HYDIN: variants seen among roughly 807,000 people sequenced by gnomAD.
HYDIN encodes the protein axonemal central pair apparatus protein HYDIN.
Under a neutral mutation model 403.9 loss-of-function variants are expected in HYDIN, and 132 were observed. That is an observed-to-expected ratio of 0.33 (90% CI 0.28 to 0.38). HYDIN has a LOEUF of 0.38. Among genes scored for constraint, HYDIN ranks in the 10% least tolerant of loss-of-function variants. The pLI is 1.00. For missense variants in HYDIN, 2,827 were observed against 5,009.5 expected (o/e 0.56, Z 13.15); for synonymous variants, 1,202 against 1,891.7 (o/e 0.64, Z 9.46).
At chr16:70,996,589 G>A (rs1266935891) in intron 23 of HYDIN, among the ~76,000 whole-genome samples, 1 of 152,096 alleles carries the variant, frequency 6.6e-6, no homozygotes, top group Non-Finnish European at 1.5e-5. Flanking sequence ...CATGGTGCCA[G>A]GGTCATAGCA....
chr16:71,157,499 T>C (rs1487691896), intron 6 of HYDIN, among the ~76,000 whole-genome samples: 6 of 149,958 alleles, frequency 4.0e-5, no homozygotes, highest in African/African-American at 1.5e-4. Context: ...AGATTCTAAC[T>C]CAATATGATG....
rs1278125997 is a variant in HYDIN at position 70,805,097 on chromosome 16, T to A, written c.*2483A>T. Among the ~76,000 whole-genome samples the A allele has an allele frequency of 6.6e-6, 1 of 152,236 alleles. No homozygotes were observed. Among genetic ancestry groups the A allele is most frequent in the African/African-American group, 2.4e-5 (1 of 41,468 alleles). ...ACCAATTGCTTCCCTTCTCCTAACC[T>A]ATACCTCTGGTGAATAGGTGGAAGG... is the stretch of plus-strand genomic sequence containing the variant. On this transcript the variant is annotated 3_prime_UTR_variant, in exon 86 of 86. Coordinates refer to ENST00000393567, the MANE Select transcript of HYDIN (RefSeq NM_001270974.2).
chr16:71,094,668 A>G (rs1233331995), intron 10 of HYDIN, among the ~76,000 whole-genome samples: 1 of 152,298 alleles, frequency 6.6e-6, no homozygotes, highest in Non-Finnish European at 1.5e-5. Context: ...GTACACACAC[A>G]ATGCTTACGC....
chr16:70,863,981 C>G (rs1165932781), intron 67 of HYDIN, among the ~76,000 whole-genome samples: 1 of 151,424 alleles, frequency 6.6e-6, no homozygotes, highest in Non-Finnish European at 1.5e-5. Flanking sequence ...TTAGTTACTT[C>G]AAACTCAAAT....
At chr16:71,014,360 G>T (rs1301431217) in intron 23 of HYDIN, among the ~76,000 whole-genome samples, 1 of 112,224 alleles carries the variant, frequency 8.9e-6, no homozygotes, top group African/African-American at 4.8e-5. Context: ...CATACCCTCC[G>T]CCAACATCAT....
rs544199367 is a variant in HYDIN at position 71,074,164 on chromosome 16, T to C, written c.1739-4662A>G. The stretch of plus-strand genomic sequence containing the variant: ...TTAGCTTAATGTATTCCCCACTATA[T>C]TAGCCTCTGCAAACCTTTTTAAACC... On this transcript the variant is annotated intron_variant, in intron 13 of 85. Transcript: ENST00000393567. Among the ~76,000 whole-genome samples, 203 of 152,146 alleles carry C rather than the reference T, an allele frequency of 1.3e-3. 1 individual carries two copies. The highest frequency in any genetic ancestry group is 4.7e-3 in the African/African-American group (197 of 41,484).
rs373669755 is a variant in HYDIN at position 71,215,889 on chromosome 16, T to TA, written c.-24+14672dup. 2.7e-3 allele frequency among the ~76,000 whole-genome samples: 407 copies of TA among 151,370 alleles called. 3 individuals are homozygous for TA. The highest frequency in any genetic ancestry group is 9.4e-3 in the African/African-American group (387 of 41,212). On this transcript the variant is annotated intron_variant, in intron 1 of 85. Transcript: ENST00000393567. The stretch of plus-strand genomic sequence containing the variant: ...AATATATGAAACATGCCCAAACTAA[T>TA]AAAAAAACAGGGAAATGTAATTAAA...
At chr16:71,211,245 C>G (rs1805163447) in intron 1 of HYDIN, among the ~76,000 whole-genome samples, 2 of 151,998 alleles carry the variant, frequency 1.3e-5, no homozygotes, top group Non-Finnish European at 2.9e-5. Flanking sequence ...AATTTGCAGC[C>G]CAGGTCCACA....
intron 1 of HYDIN, among the ~76,000 whole-genome samples, chr16:71,210,560 T>C (rs1251061321): frequency 2.6e-5 from 4 of 151,980 alleles, no homozygotes; most frequent in South Asian, 4.2e-4. Flanking sequence ...TCAGGTACTA[T>C]GCTTAGAACC....
chr16:70,941,727 G>A lies in HYDIN; in HGVS notation c.6762C>T (p.Ala2254=). The change falls in exon 43 of 86, where the codon GCC becomes GCT. Residue 2254 remains alanine (A), a synonymous_variant. Coordinates refer to ENST00000393567, the MANE Select transcript of HYDIN (RefSeq NM_001270974.2). ...AAAALLCLLK[A]IGSREHIYIL... is the part of the protein sequence containing the mutation. ...TGTATATATGCTCCCGGCTGCCAAT[G>A]GCCTTCAGCAGGCAGAGGAGGGCGG... 6.3e-7 allele frequency: 1 copy of A among 1,594,210 alleles called. No individual in the cohort carries two copies. The highest frequency in any genetic ancestry group is 8.5e-7 in the Non-Finnish European group (1 of 1,171,350).
At chr16:71,228,339 C>T (rs2041130826) in intron 1 of HYDIN, among the ~76,000 whole-genome samples, 1 of 152,140 alleles carries the variant, frequency 6.6e-6, no homozygotes, top group Non-Finnish European at 1.5e-5. Flanking sequence ...AGAGCTTCTG[C>T]ACAGCAAAAG....
At chr16:70,933,919 G>C (rs1226297414) in intron 45 of HYDIN, among the ~76,000 whole-genome samples, 1 of 152,080 alleles carries the variant, frequency 6.6e-6, no homozygotes, top group Non-Finnish European at 1.5e-5. Flanking sequence ...TCACGCATGG[G>C]ATGGGGGTCA....
At chr16:70,868,418 A>G in intron 66 of HYDIN, 152 bp downstream of exon 66, 1 of 1,208,790 alleles carries the variant, frequency 8.3e-7, no homozygotes, top group Non-Finnish European at 1.1e-6. Context: ...CAGCATGTGT[A>G]GAAGTTTAGT....
chr16:71,126,136 T>A (rs1430209463), intron 9 of HYDIN, among the ~76,000 whole-genome samples: 5 of 152,158 alleles, frequency 3.3e-5, no homozygotes, highest in Admixed American at 3.3e-4. Flanking sequence ...GACCACCCCC[T>A]AGATCCAGTG....
rs1299723060 is a variant in HYDIN, at chr16:71,082,585, G to A, written c.1671-2633C>T. Among the ~76,000 whole-genome samples, 4 of 151,586 alleles carry A rather than the reference G, an allele frequency of 2.6e-5. No homozygotes were observed. In the South Asian group the frequency reaches 6.3e-4, roughly 24 times the overall value. ...GAAATGTCCAGAAGATAGAACAAGA[G>A]GCTTACCCTGCACAGAGCAGGTGGA... On this transcript the variant is annotated intron_variant, in intron 12 of 85. Transcript: ENST00000393567.
chr16:70,984,108 A>G (rs1223595711), intron 28 of HYDIN, among the ~76,000 whole-genome samples: 1 of 152,252 alleles, frequency 6.6e-6, no homozygotes, highest in Non-Finnish European at 1.5e-5. Flanking sequence ...CACGCCTGTA[A>G]TCCCAGCACT....
At chr16:71,056,733 C>T (rs2081911121) in intron 18 of HYDIN, among the ~76,000 whole-genome samples, 1 of 152,266 alleles carries the variant, frequency 6.6e-6, no homozygotes, top group African/African-American at 2.4e-5. Context: ...ACTTCCAGCA[C>T]CTGAATTTGT....
At position 70,896,036 on chromosome 16, in the gene HYDIN, A is replaced by G; in HGVS notation, c.9093T>C (p.Asn3031=). ...ENLLGVVQIE[N]IMVFAEAYDI... is the part of the protein sequence containing the mutation. ...CGTATGCCTCTGCAAAGACCATGATATTTTCAATCTGAACAACACCAAGAA... is the reference window on the plus strand; with the variant it reads ...CGTATGCCTCTGCAAAGACCATGATGTTTTCAATCTGAACAACACCAAGAA... Residue 3031 remains asparagine (N), a synonymous_variant, in exon 54 of 86, where the codon AAT becomes AAC. Coordinates refer to ENST00000393567, the MANE Select transcript of HYDIN (RefSeq NM_001270974.2). 3 of 1,612,958 alleles carry G rather than the reference A, an allele frequency of 1.9e-6. No homozygotes were observed. Among genetic ancestry groups the G allele is most frequent in the South Asian group, 2.2e-5 (2 of 90,948 alleles).
At chr16:70,987,285 A>T (rs1239602340) in intron 27 of HYDIN, among the ~76,000 whole-genome samples, 734 of 151,678 alleles carry the variant, frequency 4.8e-3, no homozygotes, top group South Asian at 0.019. Flanking sequence ...CTCTTTGGTC[A>T]ATATCACATT....
Sources: allele counts gnomAD v4.1 joint callset (sites outside exome capture counted in the v4.1 genomes callset), GRCh38; gene constraint gnomAD v4.1.1; transcripts MANE v1.5; gene names NCBI Gene and HGNC (gene_info 2026-07-23, HGNC 2026-07-21).